The following BAALC variants were observed in gnomAD, a reference collection of about 807,000 sequenced individuals.
BAALC encodes the protein BAALC binder of MAP3K1 and KLF4.
In BAALC, 9 loss-of-function variants were observed where a neutral mutation model predicts 15.5. The ratio of observed to expected loss-of-function variants is 0.58; its 90% CI spans 0.35 to 1.02. BAALC has a LOEUF of 1.02. Among genes scored for constraint, BAALC ranks in the 50% least tolerant of loss-of-function variants. The pLI is 0.02. For missense variants in BAALC, 201 were observed against 192.4 expected, an observed-to-expected ratio of 1.04 and a Z score of -0.27; for synonymous variants, 80 against 74.6, an observed-to-expected ratio of 1.07 and a Z score of -0.37.
chr8:103,201,799 C>T (rs187589012), intron 1 of BAALC, among the ~76,000 whole-genome samples: 21 of 152,248 alleles, frequency 1.4e-4, no homozygotes, highest in Non-Finnish European at 2.5e-4. Context: ...GAGCCTGGCA[C>T]ATAGTAGGTA....
chr8:103,196,754 G>T (rs1211165027), intron 1 of BAALC, among the ~76,000 whole-genome samples: 3 of 152,156 alleles, frequency 2.0e-5, no homozygotes, highest in Admixed American at 1.3e-4. Context: ...CCACCTCAGA[G>T]CAATCCTCCC....
At chr8:103,142,379 C>T (rs950477452) in intron 1 of BAALC, among the ~76,000 whole-genome samples, 2 of 152,196 alleles carry the variant, frequency 1.3e-5, no homozygotes, top group Non-Finnish European at 2.9e-5. Flanking sequence ...TTCTGACTCA[C>T]AGTGGCAATC....
At chr8:103,224,767 A>G (rs1812767077) in intron 2 of BAALC, among the ~76,000 whole-genome samples, 1 of 152,350 alleles carries the variant, frequency 6.6e-6, no homozygotes, top group South Asian at 2.1e-4. Context: ...GGGCCATTTC[A>G]AAATATGGCA....
chr8:103,182,792 C>A (rs1328434725), intron 1 of BAALC, among the ~76,000 whole-genome samples: 1 of 152,150 alleles, frequency 6.6e-6, no homozygotes, highest in Admixed American at 6.5e-5. Context: ...AATGACCTAC[C>A]AGGCTGCTAA....
At chr8:103,147,022 T>C (rs1017076414) in intron 1 of BAALC, among the ~76,000 whole-genome samples, 3 of 152,222 alleles carry the variant, frequency 2.0e-5, no homozygotes, top group Admixed American at 6.5e-5. Context: ...GATCACATGA[T>C]TGATATTTGC....
At chr8:103,152,092 C>T (rs556283676) in intron 1 of BAALC, among the ~76,000 whole-genome samples, 31 of 152,200 alleles carry the variant, frequency 2.0e-4, no homozygotes, top group Middle Eastern at 6.8e-3. Flanking sequence ...ATAGGCAGAA[C>T]GATCTTTTAA....
At chr8:103,151,523 C>G (rs902919194) in intron 1 of BAALC, among the ~76,000 whole-genome samples, 10 of 152,192 alleles carry the variant, frequency 6.6e-5, no homozygotes, top group African/African-American at 2.4e-4. Flanking sequence ...CCAGGCTTGT[C>G]ATGCCAATCT....
At chr8:103,196,809 G>A (rs892246614) in intron 1 of BAALC, among the ~76,000 whole-genome samples, 1 of 152,190 alleles carries the variant, frequency 6.6e-6, no homozygotes, top group African/African-American at 2.4e-5. Context: ...TCCCTGACAT[G>A]GGAGCTGCTG....
chr8:103,207,439 A>C (rs1014878037), intron 1 of BAALC, among the ~76,000 whole-genome samples: 6 of 152,284 alleles, frequency 3.9e-5, no homozygotes, highest in Admixed American at 2.0e-4. Context: ...TCTAGGGGTA[A>C]AAAATTATGG....
At chr8:103,156,827 C>T (rs1014684020) in intron 1 of BAALC, among the ~76,000 whole-genome samples, 3 of 152,162 alleles carry the variant, frequency 2.0e-5, no homozygotes, top group Admixed American at 6.5e-5. Flanking sequence ...TCAGGTGTTC[C>T]TTTGCAGAGG....
At chr8:103,148,831 G>A (rs1181698626) in intron 1 of BAALC, among the ~76,000 whole-genome samples, 1 of 152,210 alleles carries the variant, frequency 6.6e-6, no homozygotes, top group Admixed American at 6.5e-5. Flanking sequence ...TAATAAGAGA[G>A]ACGGATTTCC....
chr8:103,222,453 C>A (rs1370241970), intron 2 of BAALC, among the ~76,000 whole-genome samples: 1 of 152,154 alleles, frequency 6.6e-6, no homozygotes, highest in Non-Finnish European at 1.5e-5. Flanking sequence ...TCAAACAAAA[C>A]CTATCTGATG....
Position 103,148,641 on chromosome 8 carries a change from G to T in BAALC, c.160+7584G>T, listed in dbSNP as rs577871211. 3.3e-5 allele frequency among the ~76,000 whole-genome samples: 5 copies of T among 151,960 alleles called. No homozygotes were observed. The South Asian group carries it at 1.0e-3, about 32-fold the overall frequency. ...TCATTCATTCTTTCTGCCTTTTTTT[G>T]TTTGTTTGTTTTTTGTAACCGGCCT... On this transcript the variant is annotated intron_variant, in intron 1 of 2. Transcript: ENST00000309982.
rs1049367706 is a variant in BAALC at position 103,228,288 on chromosome 8, T to A, written c.*189T>A. ...TGGGACCTTCTGAGCCTTCTACTTATCATGTAAATGTATTGGCACAGTGCT... is the reference window on the plus strand; with the variant it reads ...TGGGACCTTCTGAGCCTTCTACTTAACATGTAAATGTATTGGCACAGTGCT... On this transcript the variant is annotated 3_prime_UTR_variant, in exon 3 of 3. Transcript: ENST00000309982. The A allele has an allele frequency of 1.8e-6, 1 of 569,568 alleles. No homozygotes were observed. Among genetic ancestry groups the A allele is most frequent in the Admixed American group, 3.2e-5 (1 of 31,736 alleles). The allele number at this position is 569,568 out of a possible 1,614,324, so 35.3% of individuals were successfully genotyped here.
intron 1 of BAALC, among the ~76,000 whole-genome samples, chr8:103,203,175 C>G (rs1057416623): frequency 6.6e-6 from 1 of 152,200 alleles, no homozygotes; most frequent in African/African-American, 2.4e-5. Flanking sequence ...TTTCCCCTAC[C>G]AAACCCTATG....
intron 1 of BAALC, among the ~76,000 whole-genome samples, chr8:103,169,484 T>C (rs1406894364): frequency 6.6e-6 from 1 of 152,206 alleles, no homozygotes; most frequent in African/African-American, 2.4e-5. Context: ...GAGAGGGCAC[T>C]CCGATGTTGG....
chr8:103,181,188 G>A (rs1811719783), intron 1 of BAALC, among the ~76,000 whole-genome samples: 3 of 152,216 alleles, frequency 2.0e-5, no homozygotes, highest in African/African-American at 7.2e-5. Flanking sequence ...GGTGGAAGGG[G>A]AGGGAATTAG....
At chr8:103,163,241 A>G (rs572897468) in intron 1 of BAALC, among the ~76,000 whole-genome samples, 1 of 151,880 alleles carries the variant, frequency 6.6e-6, no homozygotes, top group African/African-American at 2.4e-5. Context: ...GATTTGTCCC[A>G]TGCTCTACCC....
At chr8:103,226,794 T>C (rs1322390985) in intron 2 of BAALC, among the ~76,000 whole-genome samples, 1 of 152,236 alleles carries the variant, frequency 6.6e-6, no homozygotes. Flanking sequence ...GTGACAGTCA[T>C]TGTACTAAGT....
Sources: allele counts gnomAD v4.1 joint callset (sites outside exome capture counted in the v4.1 genomes callset), GRCh38; gene constraint gnomAD v4.1.1; transcripts MANE v1.5; gene names NCBI Gene and HGNC (gene_info 2026-07-23, HGNC 2026-07-21).